The following PLEKHA6 variants were observed in gnomAD, a reference collection of about 807,000 sequenced individuals.
PLEKHA6 encodes the protein pleckstrin homology domain containing A6.
Under a neutral mutation model 116.7 loss-of-function variants are expected in PLEKHA6, and 60 were observed. The observed-to-expected ratio is 0.51, with a 90% CI of 0.42 to 0.64. The LOEUF (loss-of-function observed/expected upper bound fraction) is 0.64. Ranked by LOEUF, PLEKHA6 falls within the 30% of genes least tolerant of loss-of-function variation. The pLI is 0.00. For synonymous variants in PLEKHA6, 489 were observed against 556.1 expected (o/e 0.88, Z 1.70); for missense variants, 1,338 against 1,422.7 (o/e 0.94, Z 0.96).
Position 204,228,760 on chromosome 1 carries a change from C to T in PLEKHA6, c.2853G>A (p.Val951=). The part of the protein sequence containing the change: ...PEELKEKQKK[V]ERIKTLIAKS... ...TGGCAATGAGTGTCTTGATCCTCTC[C>T]ACCTTCTTCTGCTTCTCCTTCAACT... The change falls in exon 20 of 23, where the codon GTG becomes GTA. Residue 951 remains valine (V), a synonymous_variant. Transcript: ENST00000272203. The surrounding 1 kb of genome is among the most constrained non-coding windows in gnomAD (Gnocchi z 4.0). 1 of 1,614,018 alleles carries T rather than the reference C, an allele frequency of 6.2e-7. No individual in the cohort carries two copies. The highest frequency in any genetic ancestry group is 1.1e-5 in the South Asian group (1 of 91,074).
intron 1 of PLEKHA6, among the ~76,000 whole-genome samples, chr1:204,294,474 C>T (rs1670072633): frequency 6.6e-6 from 1 of 152,218 alleles, no homozygotes; most frequent in African/African-American, 2.4e-5. Context: ...CAAGGCTACA[C>T]AGTTAGGAAG....
At chr1:204,375,044 G>T (rs1489244465) in intron 1 of PLEKHA6, among the ~76,000 whole-genome samples, 1 of 151,766 alleles carries the variant, frequency 6.6e-6, no homozygotes, top group Non-Finnish European at 1.5e-5. Flanking sequence ...GCCTTCTGGG[G>T]TGGCATTCTA....
intron 15 of PLEKHA6, among the ~76,000 whole-genome samples, 179 bp from the exon 16 acceptor site, chr1:204,241,993 G>A (rs984783778): frequency 6.6e-6 from 1 of 152,222 alleles, no homozygotes; most frequent in Non-Finnish European, 1.5e-5. Context: ...CCTCCCATTC[G>A]TGCACTTTAA....
In PLEKHA6 at chr1:204,247,444, G is replaced by A. The variant is rs370026367; in HGVS notation, c.1841C>T (p.Thr614Ile). Residue 614 changes from threonine to isoleucine, a missense_variant, in exon 13 of 23, where the codon ACC becomes ATC. By Grantham distance (89) the Thr-to-Ile change is moderately conservative. Coordinates refer to ENST00000272203, the MANE Select transcript of PLEKHA6 (RefSeq NM_014935.5). ...AGACTCGAGGTGCTCATACTCTATGGTGCTGTTTGTCAGGGCCTACGGGGG... is the reference window on the plus strand; with the variant it reads ...AGACTCGAGGTGCTCATACTCTATGATGCTGTTTGTCAGGGCCTACGGGGG... ...SQATTALTNSTIEYEHLESEV... is the reference protein window; with the variant it reads ...SQATTALTNSIIEYEHLESEV... 1 of 1,612,144 alleles carries A rather than the reference G, an allele frequency of 6.2e-7. No homozygotes were observed.
intron 3 of PLEKHA6, 37 bp from the exon 4 acceptor site, chr1:204,268,349 T>G: frequency 1.4e-6 from 2 of 1,452,990 alleles, no homozygotes; most frequent in East Asian, 4.7e-5. Context: ...AGGTCCCCAG[T>G]CTCCTCCTTC....
intron 1 of PLEKHA6, among the ~76,000 whole-genome samples, chr1:204,349,337 G>A (rs1275543003): frequency 2.0e-5 from 3 of 152,222 alleles, no homozygotes; most frequent in Non-Finnish European, 4.4e-5. Context: ...TCAGGAGTTC[G>A]AGACCAGCCT....
intron 1 of PLEKHA6, among the ~76,000 whole-genome samples, chr1:204,284,256 G>A (rs988038233): frequency 6.6e-6 from 1 of 152,168 alleles, no homozygotes; most frequent in Non-Finnish European, 1.5e-5. Flanking sequence ...GCACAGCAAG[G>A]GTTGAGGGGC....
intron 1 of PLEKHA6, among the ~76,000 whole-genome samples, chr1:204,333,147 A>C (rs1313690111): frequency 6.6e-6 from 1 of 152,198 alleles, no homozygotes; most frequent in African/African-American, 2.4e-5. Flanking sequence ...CAGCTCCACC[A>C]GGCGGGAAAT....
At chr1:204,248,672 T>C in intron 12 of PLEKHA6, 149 bp downstream of exon 12, 1 of 626,300 alleles carries the variant, frequency 1.6e-6, no homozygotes, top group South Asian at 2.1e-5. Context: ...AGGGCAATAT[T>C]GAGGTCTTTG....
At chr1:204,333,516 C>T (rs1250613640) in intron 1 of PLEKHA6, among the ~76,000 whole-genome samples, 1 of 152,224 alleles carries the variant, frequency 6.6e-6, no homozygotes, top group South Asian at 2.1e-4. Flanking sequence ...CTTCACATAA[C>T]CCAAAGGAAG....
At chr1:204,227,952 A>G (rs922404217) in intron 21 of PLEKHA6, 131 bp downstream of exon 21, 27 of 955,228 alleles carry the variant, frequency 2.8e-5, no homozygotes, top group Non-Finnish European at 4.0e-5. Flanking sequence ...GCTCGTCTCA[A>G]CCTCGAGGAG....
chr1:204,356,126 G>A (rs979052243), intron 1 of PLEKHA6, among the ~76,000 whole-genome samples: 2 of 152,158 alleles, frequency 1.3e-5, no homozygotes, highest in African/African-American at 4.8e-5. Context: ...AGGGAAAAAA[G>A]TATTGATATG....
intron 1 of PLEKHA6, among the ~76,000 whole-genome samples, chr1:204,331,820 C>T (rs538546411): frequency 6.6e-6 from 1 of 151,788 alleles, no homozygotes; most frequent in East Asian, 1.9e-4. Flanking sequence ...AGCCGGCTGT[C>T]CCCCCCGGGT....
chr1:204,344,461 G>A (rs1314140826), intron 1 of PLEKHA6, among the ~76,000 whole-genome samples: 2 of 152,084 alleles, frequency 1.3e-5, no homozygotes, highest in East Asian at 1.9e-4. Context: ...TAAGCTGGAC[G>A]TGGTGGAGTA....
intron 9 of PLEKHA6, among the ~76,000 whole-genome samples, chr1:204,251,123 G>A (rs1664497993): frequency 6.6e-6 from 1 of 152,182 alleles, no homozygotes; most frequent in Non-Finnish European, 1.5e-5. Context: ...AGTAAATGCT[G>A]CCTAGCCTGG....
rs1024377615 is a variant in PLEKHA6 at position 204,309,671 on chromosome 1, A to G, written c.-94-34862T>C. ...ATGTAGCCCCAAAATTAAGTAATGCATGACCATATTGAGAAGGAACTGTAC... is the reference window on the plus strand; with the variant it reads ...ATGTAGCCCCAAAATTAAGTAATGCGTGACCATATTGAGAAGGAACTGTAC... On this transcript the variant is annotated intron_variant, in intron 1 of 22. Coordinates refer to ENST00000272203, the MANE Select transcript of PLEKHA6 (RefSeq NM_014935.5). 3 of 866,308 alleles carry G rather than the reference A, an allele frequency of 3.5e-6. No individual in the cohort carries two copies. In the African/African-American group the frequency reaches 5.5e-5, roughly 16 times the overall value. 53.7% of individuals were successfully genotyped at this position (866,308 alleles called of 1,614,324 possible). A position where few individuals can be genotyped will look rare whatever the true frequency, so the allele number is the denominator to read the frequency against.
chr1:204,260,022 C>G (rs935374114), intron 7 of PLEKHA6, among the ~76,000 whole-genome samples: 2 of 152,200 alleles, frequency 1.3e-5, no homozygotes, highest in African/African-American at 4.8e-5. Flanking sequence ...CCACTCCCCT[C>G]TGTCAGTCTG....
chr1:204,372,564 G>A (rs191467869), intron 1 of PLEKHA6, among the ~76,000 whole-genome samples: 1 of 152,294 alleles, frequency 6.6e-6, no homozygotes, highest in African/African-American at 2.4e-5. Flanking sequence ...TATAATGGAT[G>A]TAGAATAAAC....
chr1:204,310,718 C>T (rs951383184), intron 1 of PLEKHA6, among the ~76,000 whole-genome samples: 9 of 152,158 alleles, frequency 5.9e-5, no homozygotes, highest in African/African-American at 2.2e-4. Flanking sequence ...TGCTTGATTG[C>T]CAATCTCTCA....
Sources: allele counts gnomAD v4.1 joint callset (sites outside exome capture counted in the v4.1 genomes callset), GRCh38; gene constraint gnomAD v4.1.1; non-coding constraint Gnocchi (gnomAD v3.1); transcripts MANE v1.5; gene names NCBI Gene and HGNC (gene_info 2026-07-23, HGNC 2026-07-21).